The following AGBL4 variants were observed in gnomAD, a reference collection of about 807,000 sequenced individuals.
AGBL4 encodes AGBL carboxypeptidase 4, also known as cytosolic carboxypeptidase 6.
AGBL4 carries 58 observed loss-of-function variants against 66.4 expected under a neutral mutation model. The observed-to-expected ratio is 0.87, with a 90% CI of 0.71 to 1.09. The LOEUF (loss-of-function observed/expected upper bound fraction) is 1.09. Among genes scored for constraint, AGBL4 ranks in the 50% least tolerant of loss-of-function variants. The pLI is 0.00. For synonymous variants in AGBL4, 234 were observed against 222.9 expected, an observed-to-expected ratio of 1.05 and a Z score of -0.44; for missense variants, 579 against 631.0, an observed-to-expected ratio of 0.92 and a Z score of 0.88.
intron 3 of AGBL4, among the ~76,000 whole-genome samples, chr1:49,254,170 A>C (rs892495939): frequency 1.3e-5 from 2 of 152,186 alleles, no homozygotes; most frequent in African/African-American, 4.8e-5. Flanking sequence ...TGGCCAGGGC[A>C]ATCAGGCAAG....
At chr1:49,552,963 G>A (rs1653088012) in intron 3 of AGBL4, among the ~76,000 whole-genome samples, 1 of 151,920 alleles carries the variant, frequency 6.6e-6, no homozygotes, top group South Asian at 2.1e-4. Context: ...TTTGTATTAG[G>A]CACTAGAATA....
intron 4 of AGBL4, 118 bp from the exon 5 acceptor site, chr1:49,045,918 G>C (rs1419278661): frequency 1.2e-6 from 1 of 837,780 alleles, no homozygotes; most frequent in African/African-American, 1.7e-5. Context: ...ATGGGTGATG[G>C]GGCTGGGAGA....
chr1:49,926,776 C>T (rs1204445103), intron 1 of AGBL4, among the ~76,000 whole-genome samples: 1 of 152,118 alleles, frequency 6.6e-6, no homozygotes, highest in Non-Finnish European at 1.5e-5. Flanking sequence ...ATCTGGGTCT[C>T]TTAATACCAG....
At chr1:48,758,219 C>G (rs1162724284) in intron 6 of AGBL4, among the ~76,000 whole-genome samples, 1 of 152,204 alleles carries the variant, frequency 6.6e-6, no homozygotes, top group African/African-American at 2.4e-5. Flanking sequence ...CTTTCTAATG[C>G]TTTCCATTCC....
At chr1:49,377,236 G>A (rs1272622940) in intron 3 of AGBL4, among the ~76,000 whole-genome samples, 1 of 152,078 alleles carries the variant, frequency 6.6e-6, no homozygotes, top group Non-Finnish European at 1.5e-5. Context: ...ACAAAACTAT[G>A]AGACTAGAAA....
chr1:49,314,707 T>C (rs564558727), intron 3 of AGBL4, among the ~76,000 whole-genome samples: 96 of 152,218 alleles, frequency 6.3e-4, no homozygotes, highest in African/African-American at 2.3e-3. Context: ...GCATGTGTCT[T>C]TATAGTATAA....
At chr1:49,356,804 T>C (rs115512683) in intron 3 of AGBL4, among the ~76,000 whole-genome samples, 1 of 152,270 alleles carries the variant, frequency 6.6e-6, no homozygotes, top group African/African-American at 2.4e-5. Context: ...TCATTTCCAT[T>C]TAAACAAAAG....
intron 5 of AGBL4, among the ~76,000 whole-genome samples, chr1:48,926,425 G>A (rs541135874): frequency 1.7e-4 from 26 of 151,440 alleles, no homozygotes; most frequent in African/African-American, 5.6e-4. Context: ...GATTACAGGC[G>A]TGGAACACCA....
intron 6 of AGBL4, among the ~76,000 whole-genome samples, chr1:48,669,230 G>A (rs1355103017): frequency 6.6e-6 from 1 of 152,200 alleles, no homozygotes; most frequent in Non-Finnish European, 1.5e-5. Context: ...ATAATCTCTA[G>A]CTCACAAGAC....
Position 49,690,286 on chromosome 1 carries a change from T to C in AGBL4, c.282+7027A>G, listed in dbSNP as rs201882658. Among the ~76,000 whole-genome samples, 11 of 152,352 alleles carry C rather than the reference T, an allele frequency of 7.2e-5. No individual in the cohort carries two copies. The East Asian group carries it at 2.1e-3, about 29-fold the overall frequency. On this transcript the variant is annotated intron_variant, in intron 3 of 13. Transcript: ENST00000371839. The stretch of plus-strand genomic sequence containing the variant: ...CACTTTATTGTGATATTCATTTCAT[T>C]GCTATGATCTCGAACCAAACCCACA...
At chr1:49,835,870 T>G (rs962373751) in intron 2 of AGBL4, among the ~76,000 whole-genome samples, 3 of 152,214 alleles carry the variant, frequency 2.0e-5, no homozygotes, top group African/African-American at 7.2e-5. Flanking sequence ...GGTTAAAAAT[T>G]CTTTTCTTTA....
intron 1 of AGBL4, among the ~76,000 whole-genome samples, chr1:49,881,878 G>A (rs1260754489): frequency 6.6e-6 from 1 of 151,912 alleles, no homozygotes; most frequent in Non-Finnish European, 1.5e-5. Context: ...CTGTGCAGAA[G>A]CTCTTTAGTT....
intron 3 of AGBL4, among the ~76,000 whole-genome samples, chr1:49,281,675 A>G (rs1281802854): frequency 6.6e-6 from 1 of 152,206 alleles, no homozygotes; most frequent in Non-Finnish European, 1.5e-5. Flanking sequence ...TACAGCTACT[A>G]AAACCCTTGG....
intron 5 of AGBL4, among the ~76,000 whole-genome samples, chr1:48,959,280 T>G (rs1023006642): frequency 6.6e-6 from 1 of 152,196 alleles, no homozygotes; most frequent in Non-Finnish European, 1.5e-5. Flanking sequence ...ATATAAAATA[T>G]GAGAAGTACT....
chr1:49,073,918 GGCT>G (rs1300467479), intron 4 of AGBL4, among the ~76,000 whole-genome samples: 3 of 152,288 alleles, frequency 2.0e-5, no homozygotes, highest in Admixed American at 2.0e-4. Context: ...CTCTGACTGG[GGCT>G]GCTGCTTTTT....
intron 5 of AGBL4, among the ~76,000 whole-genome samples, chr1:49,020,849 A>G (rs1663191953): frequency 6.6e-6 from 1 of 152,174 alleles, no homozygotes; most frequent in Non-Finnish European, 1.5e-5. Flanking sequence ...GCCTTGTTTA[A>G]TGGGGCAAAG....
intron 1 of AGBL4, among the ~76,000 whole-genome samples, chr1:49,856,949 A>C (rs542518996): frequency 1.3e-5 from 2 of 152,166 alleles, no homozygotes; most frequent in South Asian, 4.1e-4. Flanking sequence ...TTGTTCATAG[A>C]TGACATGATC....
chr1:48,896,633 T>C (rs1400264718), intron 5 of AGBL4, among the ~76,000 whole-genome samples: 1 of 151,344 alleles, frequency 6.6e-6, no homozygotes, highest in Non-Finnish European at 1.5e-5. Flanking sequence ...TCTTGGGCTT[T>C]TGGCTCATGG....
In AGBL4 at chr1:49,606,230, T is replaced by C. The variant is rs1471169695; in HGVS notation, c.282+91083A>G. The stretch of plus-strand genomic sequence containing the variant: ...ATCTAACTCCAAAATCAATACCATA[T>C]TACTCTCTCCACAGGCGAGAGCTGC... On this transcript the variant is annotated intron_variant, in intron 3 of 13. Transcript: ENST00000371839. Among the ~76,000 whole-genome samples, 6 of 152,094 alleles carry C rather than the reference T, an allele frequency of 3.9e-5. No individual in the cohort carries two copies. In the South Asian group the frequency reaches 8.3e-4, roughly 21 times the overall value.
Sources: allele counts gnomAD v4.1 joint callset (sites outside exome capture counted in the v4.1 genomes callset), GRCh38; gene constraint gnomAD v4.1.1; transcripts MANE v1.5; gene names NCBI Gene and HGNC (gene_info 2026-07-23, HGNC 2026-07-21).